Variants in SOCS6 observed in about 807,000 individuals in gnomAD.
SOCS6 encodes the protein suppressor of cytokine signaling 6.
SOCS6 carries 5 observed loss-of-function variants against 27.7 expected under a neutral mutation model. That is an observed-to-expected ratio of 0.18 (90% CI 0.09 to 0.38). The LOEUF (loss-of-function observed/expected upper bound fraction) is 0.38, where lower values mean the gene tolerates loss of function less well. Among genes scored for constraint, SOCS6 ranks in the 10% least tolerant of loss-of-function variants. SOCS6 has a pLI of 1.00. For missense variants in SOCS6, 595 were observed against 688.1 expected, an observed-to-expected ratio of 0.86 and a Z score of 1.51; for synonymous variants, 271 against 260.0, an observed-to-expected ratio of 1.04 and a Z score of -0.41.
Position 70,325,100 on chromosome 18 carries a change from C to T in SOCS6, c.432C>T (p.Ser144=), listed in dbSNP as rs774853650. Residue 144 remains serine, a synonymous_variant, in exon 2 of 2, where the codon TCC becomes TCT. Transcript: ENST00000397942. The surrounding 1 kb of genome is among the most constrained non-coding windows in gnomAD (Gnocchi z 6.3). ...CGTGGCCTCTGCGGCCCACAAACTC[C>T]GAGGAGACCTGCATCAAGATGGAGG... ...PAPWPLRPTN[S]EETCIKMEVR... 23 of 1,613,942 alleles carry T rather than the reference C, an allele frequency of 1.4e-5. No individual in the cohort carries two copies. The highest frequency in any genetic ancestry group is 1.9e-5 in the Non-Finnish European group (23 of 1,180,036).
At chr18:70,317,004 G>T (rs2062414093) in intron 1 of SOCS6, among the ~76,000 whole-genome samples, 1 of 151,948 alleles carries the variant, frequency 6.6e-6, no homozygotes, top group East Asian at 1.9e-4. Context: ...TTATACAAAG[G>T]CCCAGTTATT....
chr18:70,319,646 C>T (rs555157685), intron 1 of SOCS6, among the ~76,000 whole-genome samples: 1 of 149,200 alleles, frequency 6.7e-6, no homozygotes, highest in African/African-American at 2.5e-5. Context: ...GTTATACTTA[C>T]GGATGCCATT....
At chr18:70,304,553 A>C (rs1451504482) in intron 1 of SOCS6, among the ~76,000 whole-genome samples, 1 of 152,128 alleles carries the variant, frequency 6.6e-6, no homozygotes, top group African/African-American at 2.4e-5. Flanking sequence ...ACTATTAAGC[A>C]CCTTTTCGTG....
chr18:70,321,574 TC>T (rs1910995570), intron 1 of SOCS6, among the ~76,000 whole-genome samples: 2 of 149,838 alleles, frequency 1.3e-5, no homozygotes, highest in African/African-American at 2.5e-5. Context: ...CCTCAGGTGA[TC>T]CGCCTCGGCC....
intron 1 of SOCS6, among the ~76,000 whole-genome samples, chr18:70,319,988 A>G (rs1215789163): frequency 6.6e-6 from 1 of 151,124 alleles, no homozygotes; most frequent in Non-Finnish European, 1.5e-5. Context: ...CAGTGATAAA[A>G]TTCAAAGTTT....
rs369682234 is a variant in SOCS6 at position 70,317,554 on chromosome 18, TACACACACAC to T, written c.-126-6970_-126-6961del. ...TATATATACACACTTCATATATACA[TACACACACAC>T]ACACACACACACACACACCACATTT... On this transcript the variant is annotated intron_variant, in intron 1 of 1. Coordinates refer to ENST00000397942, the MANE Select transcript of SOCS6 (RefSeq NM_004232.4). Among the ~76,000 whole-genome samples the T allele has an allele frequency of 3.5e-3, 486 of 139,118 alleles. 3 individuals carry two copies. The highest frequency in any genetic ancestry group is 8.3e-3 in the Admixed American group (118 of 14,198). 91.3% of individuals were successfully genotyped at this position (139,118 alleles called of 152,430 possible).
intron 1 of SOCS6, among the ~76,000 whole-genome samples, chr18:70,318,659 C>T (rs560439534): frequency 7.9e-5 from 12 of 151,662 alleles, no homozygotes; most frequent in Middle Eastern, 3.4e-3. Flanking sequence ...TCTTCTAGGC[C>T]GGACGTGGTG....
intron 1 of SOCS6, among the ~76,000 whole-genome samples, chr18:70,292,016 G>T (rs1368320753): frequency 6.6e-6 from 1 of 152,160 alleles, no homozygotes; most frequent in African/African-American, 2.4e-5. Flanking sequence ...CTAATAAGTC[G>T]TGATGGCTTT....
At chr18:70,289,873 C>A (rs969022371) in intron 1 of SOCS6, among the ~76,000 whole-genome samples, 1 of 152,176 alleles carries the variant, frequency 6.6e-6, no homozygotes, top group Non-Finnish European at 1.5e-5. Context: ...TTCAGGTACA[C>A]CCTTGTGGCT....
chr18:70,311,032 G>A (rs2062388758), intron 1 of SOCS6, among the ~76,000 whole-genome samples: 1 of 152,120 alleles, frequency 6.6e-6, no homozygotes, highest in Admixed American at 6.5e-5. Flanking sequence ...CAAGTGAGTG[G>A]CGGTTGGAGC....
Position 70,329,023 on chromosome 18 carries a change from T to C in SOCS6, c.*2747T>C, listed in dbSNP as rs1302970584. ...ACAGGAAAGCTGTATCCATTTGCCATAATAGATGAATCAGAATTGTTTTCT... is the reference window on the plus strand; with the variant it reads ...ACAGGAAAGCTGTATCCATTTGCCACAATAGATGAATCAGAATTGTTTTCT... On this transcript the variant is annotated 3_prime_UTR_variant, in exon 2 of 2. Transcript: ENST00000397942. 1.2e-5 allele frequency: 2 copies of C among 167,094 alleles called. No individual in the cohort carries two copies. The highest frequency in any genetic ancestry group is 4.8e-5 in the African/African-American group (2 of 41,456). The allele number at this position is 167,094 out of a possible 1,614,324, so 10.4% of individuals were successfully genotyped here.
At chr18:70,307,894 A>T (rs2062375948) in intron 1 of SOCS6, among the ~76,000 whole-genome samples, 1 of 151,794 alleles carries the variant, frequency 6.6e-6, no homozygotes, top group Non-Finnish European at 1.5e-5. Flanking sequence ...CATTGGGTTT[A>T]GTTATTTTCT....
intron 1 of SOCS6, among the ~76,000 whole-genome samples, chr18:70,319,916 T>C (rs1385561252): frequency 6.6e-6 from 1 of 152,160 alleles, no homozygotes; most frequent in Non-Finnish European, 1.5e-5. Context: ...TAACAGATAT[T>C]TTCCCATAAA....
chr18:70,299,228 C>T (rs1212122849), intron 1 of SOCS6, among the ~76,000 whole-genome samples: 4 of 152,158 alleles, frequency 2.6e-5, no homozygotes, highest in South Asian at 2.1e-4. Context: ...GAGACTGCCC[C>T]GTCCTCAGAT....
At chr18:70,297,661 A>C (rs2062330266) in intron 1 of SOCS6, among the ~76,000 whole-genome samples, 1 of 152,200 alleles carries the variant, frequency 6.6e-6, no homozygotes, top group Non-Finnish European at 1.5e-5. Context: ...TTTATAATAC[A>C]AGTAATCTTT....
At chr18:70,321,908 C>A (rs1428984557) in intron 1 of SOCS6, among the ~76,000 whole-genome samples, 4 of 152,100 alleles carry the variant, frequency 2.6e-5, no homozygotes, top group Non-Finnish European at 5.9e-5. Flanking sequence ...TCTCTGATAA[C>A]CAGTTTCCTC....
intron 1 of SOCS6, among the ~76,000 whole-genome samples, chr18:70,300,137 T>C (rs1326652482): frequency 6.6e-6 from 1 of 152,212 alleles, no homozygotes. Flanking sequence ...CTTTATTTTT[T>C]TTTTTCCTTA....
intron 1 of SOCS6, among the ~76,000 whole-genome samples, chr18:70,304,935 G>A (rs553360928): frequency 1.1e-4 from 17 of 152,146 alleles, no homozygotes; most frequent in Non-Finnish European, 2.4e-4. Context: ...GGCCGAGCGC[G>A]GTGGCTCACG....
At chr18:70,293,842 C>T (rs1252309018) in intron 1 of SOCS6, among the ~76,000 whole-genome samples, 1 of 152,114 alleles carries the variant, frequency 6.6e-6, no homozygotes, top group Middle Eastern at 3.2e-3. Flanking sequence ...CCTGTAATCC[C>T]ACCACTTTGC....
Sources: allele counts gnomAD v4.1 joint callset (sites outside exome capture counted in the v4.1 genomes callset), GRCh38; gene constraint gnomAD v4.1.1; non-coding constraint Gnocchi (gnomAD v3.1); transcripts MANE v1.5; gene names NCBI Gene and HGNC (gene_info 2026-07-23, HGNC 2026-07-21).